Variants in ALMS1 observed in about 807,000 individuals in gnomAD.
The protein encoded by ALMS1 is ALMS1 centrosome and basal body associated protein, also known as centrosome-associated protein ALMS1.
Under a neutral mutation model 352.2 loss-of-function variants are expected in ALMS1, and 271 were observed. That is an observed-to-expected ratio of 0.77 (90% CI 0.70 to 0.85). The LOEUF (loss-of-function observed/expected upper bound fraction) is 0.85. ALMS1 is among the 40% of genes least tolerant of loss of function. The pLI is 0.00. For missense variants in ALMS1, 5,445 were observed against 4,870.7 expected (o/e 1.12, Z -3.51); for synonymous variants, 1,865 against 1,761.2 (o/e 1.06, Z -1.48).
intron 16 of ALMS1, among the ~76,000 whole-genome samples, chr2:73,580,543 G>A (rs1675155896): frequency 6.6e-6 from 1 of 152,132 alleles, no homozygotes; most frequent in African/African-American, 2.4e-5. Flanking sequence ...TGCCTAGTAA[G>A]TCTACTGTGT....
chr2:73,581,216 A>C (rs1277397750), intron 16 of ALMS1, among the ~76,000 whole-genome samples: 1 of 152,218 alleles, frequency 6.6e-6, no homozygotes, highest in Non-Finnish European at 1.5e-5. Context: ...TGCTCCAGGC[A>C]GTAGTGCCTT....
chr2:73,544,006 C>G (rs1674255761), intron 12 of ALMS1, among the ~76,000 whole-genome samples: 1 of 152,242 alleles, frequency 6.6e-6, no homozygotes. Context: ...CCAGCCATTC[C>G]ATTAACTGGG....
Position 73,426,404 on chromosome 2 carries a change from C to G in ALMS1, c.1238-49C>G, listed in dbSNP as rs1339476063. ...AAGTCCTTCGTGTGTGGGAGCTGAG[C>G]CTAGTTTTACTATACATACAATTAT... is the stretch of plus-strand genomic sequence containing the variant. On this transcript the variant is annotated intron_variant, in intron 5 of 22. Coordinates refer to ENST00000613296, the MANE Select transcript of ALMS1 (RefSeq NM_001378454.1). 2.5e-6 allele frequency: 4 copies of G among 1,586,482 alleles called. No individual in the cohort carries two copies. The African/African-American group carries it at 4.0e-5, about 16-fold the overall frequency.
intron 15 of ALMS1, among the ~76,000 whole-genome samples, chr2:73,560,647 A>G (rs1343728901): frequency 6.6e-6 from 1 of 152,214 alleles, no homozygotes; most frequent in African/African-American, 2.4e-5. Flanking sequence ...AGCAACCCAC[A>G]TGTCCATCAA....
At chr2:73,581,899 C>T (rs1675189178) in intron 16 of ALMS1, among the ~76,000 whole-genome samples, 4 of 152,094 alleles carry the variant, frequency 2.6e-5, no homozygotes, top group African/African-American at 4.8e-5. Flanking sequence ...TGTGCACCAC[C>T]ATGCTTGGCT....
intron 9 of ALMS1, among the ~76,000 whole-genome samples, chr2:73,479,799 C>CT (rs1180431569): frequency 2.0e-5 from 3 of 152,056 alleles, no homozygotes; most frequent in African/African-American, 7.2e-5. Context: ...CAGGCCACAC[C>CT]TTTTTCCAGG....
chr2:73,473,828 A>G (rs918937585), intron 9 of ALMS1, among the ~76,000 whole-genome samples: 3 of 152,082 alleles, frequency 2.0e-5, no homozygotes, highest in Non-Finnish European at 4.4e-5. Context: ...TATTTATTCG[A>G]GGAGAAGAAA....
intron 16 of ALMS1, among the ~76,000 whole-genome samples, chr2:73,589,453 A>T (rs564637068): frequency 1.3e-5 from 2 of 151,400 alleles, no homozygotes; most frequent in Admixed American, 6.6e-5. Context: ...TCAGTTCATG[A>T]CCCCTCTTTT....
intron 9 of ALMS1, among the ~76,000 whole-genome samples, chr2:73,477,518 A>G (rs555409513): frequency 1.3e-4 from 20 of 152,054 alleles, no homozygotes; most frequent in Non-Finnish European, 2.4e-4. Context: ...TAGGCTTTTA[A>G]TAAGAGTTGC....
chr2:73,509,276 T>A (rs1046084108), intron 10 of ALMS1, among the ~76,000 whole-genome samples: 1 of 152,194 alleles, frequency 6.6e-6, no homozygotes, highest in Admixed American at 6.5e-5. Flanking sequence ...TAGGTGTGAA[T>A]TTGATCCTGT....
rs373835067 is a variant in ALMS1, at chr2:73,450,408, G to C, written c.3881G>C (p.Ser1294Thr). 1.2e-5 allele frequency: 20 copies of C among 1,613,358 alleles called. No homozygotes were observed. The highest frequency in any genetic ancestry group is 1.0e-4 in the Admixed American group (6 of 59,882). Residue 1294 changes from serine (S) to threonine (T), a missense_variant, in exon 8 of 23, where the codon AGC becomes ACC. Coordinates refer to ENST00000613296, the MANE Select transcript of ALMS1 (RefSeq NM_001378454.1). ...TSYSQYREKPSIFYQQSLPSS... is the reference protein window; with the variant it reads ...TSYSQYREKPTIFYQQSLPSS... ...TACTCACAATATAGAGAGAAGCCCA[G>C]CATTTTCTACCAACAGTCGTTGCCA...
At chr2:73,549,392 C>T (rs546449023) in intron 12 of ALMS1, among the ~76,000 whole-genome samples, 1 of 152,152 alleles carries the variant, frequency 6.6e-6, no homozygotes, top group African/African-American at 2.4e-5. Context: ...GAAAAATCTT[C>T]CGTTATGTTG....
intron 9 of ALMS1, chr2:73,462,957 C>G (rs981920124): frequency 6.6e-6 from 1 of 152,134 alleles, no homozygotes; most frequent in Non-Finnish European, 1.5e-5. Flanking sequence ...ATTCATAAAG[C>G]AAGTCCTTAG....
At chr2:73,557,639 T>C (rs1674573664) in intron 14 of ALMS1, among the ~76,000 whole-genome samples, 2 of 152,202 alleles carry the variant, frequency 1.3e-5, no homozygotes, top group African/African-American at 4.8e-5. Context: ...AATGGACTTT[T>C]TACCTCCGCT....
intron 10 of ALMS1, among the ~76,000 whole-genome samples, chr2:73,512,390 GA>G (rs1314239287): frequency 6.7e-6 from 1 of 149,116 alleles, no homozygotes; most frequent in African/African-American, 2.5e-5. Context: ...TCCACTGTCA[GA>G]TTTTTTTTTT....
In ALMS1 at chr2:73,519,303, T is replaced by G. The variant is rs573244262; in HGVS notation, c.9540-472T>G. 7.9e-5 allele frequency among the ~76,000 whole-genome samples: 12 copies of G among 152,286 alleles called. 1 individual carries two copies. Among genetic ancestry groups the G allele is most frequent in the African/African-American group, 2.9e-4 (12 of 41,570 alleles). On this transcript the variant is annotated intron_variant, in intron 10 of 22. Transcript: ENST00000613296. Reference sequence around the variant, plus strand: ...TCCAATTATTTATGTGTTCAATTATTTACTTGCTCCACTCTGTTTTAATAT... The same window carrying G: ...TCCAATTATTTATGTGTTCAATTATGTACTTGCTCCACTCTGTTTTAATAT...
In ALMS1 at chr2:73,455,277, A is replaced by T; in HGVS notation, c.7656A>T (p.Arg2552Ser). 1 of 1,614,166 alleles carries T rather than the reference A, an allele frequency of 6.2e-7. No individual in the cohort carries two copies. Among genetic ancestry groups the T allele is most frequent in the Non-Finnish European group, 8.5e-7 (1 of 1,180,004 alleles). ...AGGCAGAGTTATTTGGTCATGGAAGAACAACTGACTTGTCCAAGGTATAAA... is the reference window on the plus strand; with the variant it reads ...AGGCAGAGTTATTTGGTCATGGAAGTACAACTGACTTGTCCAAGGTATAAA... The part of the protein sequence containing the change: ...EIKAELFGHG[R>S]TTDLSKGLQS... The change falls in exon 9 of 23, where the codon AGA becomes AGT. Residue 2552 changes from arginine (R) to serine (S), a missense_variant. By Grantham distance (110) the Arg-to-Ser change is moderately radical. Coordinates refer to ENST00000613296, the MANE Select transcript of ALMS1 (RefSeq NM_001378454.1).
chr2:73,387,534 A>G (rs187904353), intron 1 of ALMS1, among the ~76,000 whole-genome samples: 5 of 151,812 alleles, frequency 3.3e-5, no homozygotes, highest in Admixed American at 3.3e-4. Flanking sequence ...GGAAAAACAC[A>G]TGAAAAGGTA....
At chr2:73,532,624 C>A (rs535548699) in intron 11 of ALMS1, among the ~76,000 whole-genome samples, 20 of 152,104 alleles carry the variant, frequency 1.3e-4, no homozygotes, top group Non-Finnish European at 2.8e-4. Context: ...CACTTCAGGG[C>A]AATGGCCTCC....
Sources: gnomAD v4.1 joint callset for allele counts (sites outside exome capture counted in the v4.1 genomes callset) on GRCh38, gnomAD v4.1.1 for gene constraint, MANE v1.5 for transcripts, NCBI Gene and HGNC (gene_info 2026-07-23, HGNC 2026-07-21) for gene names.